Variants in MEGF11 observed in about 807,000 individuals in gnomAD.
MEGF11 encodes the protein multiple epidermal growth factor-like domains protein 11.
Under a neutral mutation model 146.6 loss-of-function variants are expected in MEGF11, and 126 were observed. The ratio of observed to expected loss-of-function variants is 0.86; its 90% CI spans 0.74 to 1.00. The LOEUF (loss-of-function observed/expected upper bound fraction) is 1.00. Ranked by LOEUF, MEGF11 falls within the 50% of genes least tolerant of loss-of-function variation. The pLI is 0.00. For missense variants in MEGF11, 1,509 were observed against 1,521.2 expected, an observed-to-expected ratio of 0.99 and a Z score of 0.13; for synonymous variants, 532 against 583.4, an observed-to-expected ratio of 0.91 and a Z score of 1.27.
chr15:66,093,302 A>G (rs1407302554), intron 5 of MEGF11, among the ~76,000 whole-genome samples: 1 of 152,164 alleles, frequency 6.6e-6, no homozygotes, highest in African/African-American at 2.4e-5. Context: ...GGGAAAACAA[A>G]CAAAAAAACA....
Position 65,913,732 on chromosome 15 carries a change from C to G in MEGF11, c.2710+5G>C, listed in dbSNP as rs1191477410. 7 of 1,608,206 alleles carry G rather than the reference C, an allele frequency of 4.4e-6. No homozygotes were observed. Among genetic ancestry groups the G allele is most frequent in the Non-Finnish European group, 5.9e-6 (7 of 1,176,926 alleles). On this transcript the variant is annotated splice_donor_5th_base_variant and intron_variant, in intron 20 of 25. Coordinates refer to ENST00000395614, the MANE Select transcript of MEGF11 (RefSeq NM_001385028.1). ...GAGGAGGGAGGCCAGGAGCATGGCC[C>G]TTACCTGAGAGGGAGTAGTCGGTGC... is the stretch of plus-strand genomic sequence containing the variant.
At chr15:65,933,643 T>C (rs1256041040) in intron 10 of MEGF11, among the ~76,000 whole-genome samples, 1 of 152,130 alleles carries the variant, frequency 6.6e-6, no homozygotes, top group Non-Finnish European at 1.5e-5. Context: ...AAAGGGAGAC[T>C]CAGAGAGGGG....
At chr15:66,094,528 G>C (rs1567237321) in intron 4 of MEGF11, 34 bp from the exon 5 acceptor site, 3 of 1,529,588 alleles carry the variant, frequency 2.0e-6, no homozygotes, top group Non-Finnish European at 8.9e-7. Context: ...GGAAGAACCA[G>C]AACAAACAGT....
chr15:66,067,524 A>T (rs2085182700), intron 5 of MEGF11, among the ~76,000 whole-genome samples: 1 of 152,216 alleles, frequency 6.6e-6, no homozygotes, highest in Non-Finnish European at 1.5e-5. Flanking sequence ...CTCCTGCTGC[A>T]GCCCCACGTT....
At chr15:65,963,719 A>C (rs2080953791) in intron 9 of MEGF11, among the ~76,000 whole-genome samples, 1 of 152,218 alleles carries the variant, frequency 6.6e-6, no homozygotes, top group African/African-American at 2.4e-5. Flanking sequence ...CACTGGCTCT[A>C]GCACCCTCTC....
chr15:66,158,709 G>T (rs2141066804), intron 1 of MEGF11, among the ~76,000 whole-genome samples: 1 of 152,346 alleles, frequency 6.6e-6, no homozygotes, highest in African/African-American at 2.4e-5. Context: ...GGAAGCATAG[G>T]CTTCAACAGT....
intron 1 of MEGF11, among the ~76,000 whole-genome samples, chr15:66,191,102 G>A (rs1405654827): frequency 6.6e-6 from 1 of 152,132 alleles, no homozygotes; most frequent in Admixed American, 6.5e-5. Context: ...CCAGACTTAA[G>A]ATGGAAGGCT....
Position 65,925,112 on chromosome 15 carries a change from A to G in MEGF11, c.1676-2143T>C, listed in dbSNP as rs117850687. Among the ~76,000 whole-genome samples, 960 of 152,316 alleles carry G rather than the reference A, an allele frequency of 6.3e-3. 4 individuals carry two copies. The highest frequency in any genetic ancestry group is 0.011 in the Non-Finnish European group (725 of 68,028). On this transcript the variant is annotated intron_variant, in intron 13 of 25. Coordinates refer to ENST00000395614, the MANE Select transcript of MEGF11 (RefSeq NM_001385028.1). ...TCACACGTAGACAGTGCTCTCTCCT[A>G]AAACTATAGGTATTACTGTGTTCAT...
chr15:66,120,704 G>A (rs1294977388), intron 3 of MEGF11, among the ~76,000 whole-genome samples: 1 of 152,216 alleles, frequency 6.6e-6, no homozygotes, highest in African/African-American at 2.4e-5. Flanking sequence ...TGGCCTCAAA[G>A]TAAAGCTACT....
At chr15:66,079,185 G>A (rs1384875927) in intron 5 of MEGF11, among the ~76,000 whole-genome samples, 1 of 152,180 alleles carries the variant, frequency 6.6e-6, no homozygotes, top group Non-Finnish European at 1.5e-5. Flanking sequence ...CCCATGGCCT[G>A]CCTGCCTTCC....
At chr15:65,923,111 G>C in intron 13 of MEGF11, 142 bp from the exon 14 acceptor site, 1 of 890,214 alleles carries the variant, frequency 1.1e-6, no homozygotes, top group Non-Finnish European at 1.6e-6. Context: ...CCCGGCTGAG[G>C]CTTGGCTGGT....
Position 65,922,985 on chromosome 15 carries a change from A to C in MEGF11, c.1676-16T>G, listed in dbSNP as rs1268945402. 1.2e-5 allele frequency: 20 copies of C among 1,610,968 alleles called. No individual in the cohort carries two copies. Among genetic ancestry groups the C allele is most frequent in the Non-Finnish European group, 1.5e-5 (18 of 1,179,034 alleles). On this transcript the variant is annotated splice_polypyrimidine_tract_variant and intron_variant, in intron 13 of 25. Coordinates refer to ENST00000395614, the MANE Select transcript of MEGF11 (RefSeq NM_001385028.1). ...CAGCGGATGCCTGTGGGCCAGAGGC[A>C]GACTCGGGTCAGTGGTAAGAGAGGT... is the stretch of plus-strand genomic sequence containing the variant.
rs111506542 is a variant in MEGF11, at chr15:65,984,786, T to A, written c.395-2298A>T. Among the ~76,000 whole-genome samples the A allele has an allele frequency of 7.0e-3, 1,049 of 149,152 alleles. 13 individuals carry two copies. Among genetic ancestry groups the A allele is most frequent in the African/African-American group, 0.02 (814 of 41,246 alleles). The stretch of plus-strand genomic sequence containing the variant: ...TATTTATTTATTTATTTATTTATTT[T>A]GAGACAGAGTCTCGCTCTATTAGGC... On this transcript the variant is annotated intron_variant, in intron 5 of 25. Transcript: ENST00000395614.
At chr15:66,178,260 A>G (rs1004596190) in intron 1 of MEGF11, among the ~76,000 whole-genome samples, 1 of 152,180 alleles carries the variant, frequency 6.6e-6, no homozygotes, top group African/African-American at 2.4e-5. Flanking sequence ...TGCTATGATT[A>G]CAAGCGTGAG....
chr15:65,977,028 G>C (rs955285552), intron 7 of MEGF11, among the ~76,000 whole-genome samples: 2 of 152,010 alleles, frequency 1.3e-5, no homozygotes, highest in African/African-American at 4.8e-5. Context: ...AGTTAGCCGG[G>C]CGTGATGGCG....
At chr15:66,028,200 C>T (rs1391798231) in intron 5 of MEGF11, among the ~76,000 whole-genome samples, 1 of 152,192 alleles carries the variant, frequency 6.6e-6, no homozygotes, top group Non-Finnish European at 1.5e-5. Context: ...AGGACTGGGA[C>T]CTTGTCTTAT....
chr15:66,108,416 A>T (rs1337886526), intron 4 of MEGF11, among the ~76,000 whole-genome samples: 1 of 152,200 alleles, frequency 6.6e-6, no homozygotes, highest in Non-Finnish European at 1.5e-5. Flanking sequence ...GTATAGTTCC[A>T]TTGAGGAGAC....
At position 66,128,358 on chromosome 15, in the gene MEGF11, C is replaced by T; in HGVS notation, c.46G>A (p.Ala16Thr). 6.6e-7 allele frequency: 1 copy of T among 1,525,240 alleles called. No homozygotes were observed. The highest frequency in any genetic ancestry group is 1.2e-5 in the South Asian group (1 of 80,054). 94.5% of individuals were successfully genotyped at this position (1,525,240 alleles called of 1,614,324 possible). ...TCCTCGGGGTTCAGGGCAAGGGTGGCTTGCAGGAAGGAGAAGGCAATGAGC... is the reference window on the plus strand; with the variant it reads ...TCCTCGGGGTTCAGGGCAAGGGTGGTTTGCAGGAAGGAGAAGGCAATGAGC... Reference protein sequence around the residue: ...TGLIAFSFLQATLALNPEDPN... With the variant: ...TGLIAFSFLQTTLALNPEDPN... Residue 16 changes from alanine (A) to threonine (T), a missense_variant, in exon 2 of 26, where the codon GCC becomes ACC. Transcript: ENST00000395614.
chr15:66,086,794 A>G (rs2086126970), intron 5 of MEGF11, among the ~76,000 whole-genome samples: 1 of 152,250 alleles, frequency 6.6e-6, no homozygotes, highest in Admixed American at 6.5e-5. Flanking sequence ...TACACAGGCA[A>G]TAAAGAACAG....
Sources: gnomAD v4.1 joint callset for allele counts (sites outside exome capture counted in the v4.1 genomes callset) on GRCh38, gnomAD v4.1.1 for gene constraint, MANE v1.5 for transcripts, NCBI Gene and HGNC (gene_info 2026-07-23, HGNC 2026-07-21) for gene names.